Variants in PLXNA4 observed in about 807,000 individuals in gnomAD.
PLXNA4 encodes the protein plexin-A4.
A neutral mutation model predicts 191.8 loss-of-function variants in PLXNA4; 44 were observed. The ratio of observed to expected loss-of-function variants is 0.23; its 90% CI spans 0.18 to 0.29. The LOEUF (loss-of-function observed/expected upper bound fraction) is 0.29, where lower values mean the gene tolerates loss of function less well. Ranked by LOEUF, PLXNA4 falls within the 10% of genes least tolerant of loss-of-function variation. The probability of loss-of-function intolerance (pLI) is 1.00; values close to 1 mark genes in which losing one functional copy is unlikely to be tolerated. For missense variants in PLXNA4, 1,800 were observed against 2,488.8 expected (o/e 0.72, Z 5.89); for synonymous variants, 1,082 against 1,009.5 (o/e 1.07, Z -1.36).
chr7:132,378,114 A>G (rs1804738485), intron 3 of PLXNA4, among the ~76,000 whole-genome samples: 1 of 152,134 alleles, frequency 6.6e-6, no homozygotes, highest in Non-Finnish European at 1.5e-5. Context: ...CTATTCCCCA[A>G]TTATCTTGTT....
At chr7:132,336,479 A>G (rs905281344) in intron 3 of PLXNA4, among the ~76,000 whole-genome samples, 36 of 152,276 alleles carry the variant, frequency 2.4e-4, no homozygotes, top group African/African-American at 8.7e-4. Context: ...ACTTAGCCTG[A>G]TCTCAAAACC....
At chr7:132,523,632 T>C (rs1359413196) in intron 1 of PLXNA4, among the ~76,000 whole-genome samples, 4 of 152,186 alleles carry the variant, frequency 2.6e-5, no homozygotes, top group African/African-American at 9.7e-5. Flanking sequence ...GGTCTATGGC[T>C]AGCAAGCTCA....
chr7:132,618,671 G>A (rs935696454), intron 2 of PLXNA4, among the ~76,000 whole-genome samples: 2 of 152,188 alleles, frequency 1.3e-5, no homozygotes, highest in Non-Finnish European at 2.9e-5. Context: ...GAGGCAAGGA[G>A]CAGCCAGAAA....
intron 4 of PLXNA4, among the ~76,000 whole-genome samples, chr7:132,251,051 CTTTTT>C (rs34455636): frequency 1.5e-5 from 2 of 130,062 alleles, no homozygotes; most frequent in East Asian, 2.2e-4. Flanking sequence ...CTGTTCCAGC[CTTTTT>C]TTTTTTTTTT....
rs184854783 is a variant in PLXNA4, at chr7:132,457,557, G to T, written c.1371+31735C>A. Among the ~76,000 whole-genome samples the T allele has an allele frequency of 1.8e-4, 28 of 152,304 alleles. No individual in the cohort carries two copies. In the East Asian group the frequency reaches 4.6e-3, roughly 25 times the overall value. On this transcript the variant is annotated intron_variant, in intron 3 of 31. Coordinates refer to ENST00000321063, the MANE Select transcript of PLXNA4 (RefSeq NM_020911.2). Reference sequence around the variant, plus strand: ...TGGAGAGAAAATACCTCCCTGTGTGGTTGGCCAGATAATAGTCCTCAAAGA... The same window carrying T: ...TGGAGAGAAAATACCTCCCTGTGTGTTTGGCCAGATAATAGTCCTCAAAGA...
intron 3 of PLXNA4, among the ~76,000 whole-genome samples, chr7:132,360,275 C>T (rs187271869): frequency 5.9e-5 from 9 of 152,270 alleles, no homozygotes; most frequent in African/African-American, 1.4e-4. Flanking sequence ...TCCAGGTGGG[C>T]CTGTCCCTCA....
At chr7:132,387,699 G>A (rs1805212382) in intron 3 of PLXNA4, among the ~76,000 whole-genome samples, 1 of 152,188 alleles carries the variant, frequency 6.6e-6, no homozygotes, top group Admixed American at 6.5e-5. Flanking sequence ...GAAGCAGAGA[G>A]CCCAAGGTCA....
chr7:132,574,486 T>C (rs1308314135), intron 1 of PLXNA4, among the ~76,000 whole-genome samples: 3 of 152,218 alleles, frequency 2.0e-5, no homozygotes, highest in Non-Finnish European at 4.4e-5. Context: ...GTGGACCCCA[T>C]TGTCACACAT....
intron 2 of PLXNA4, among the ~76,000 whole-genome samples, chr7:132,634,234 G>A (rs1475332145): frequency 6.6e-6 from 1 of 152,150 alleles, no homozygotes; most frequent in East Asian, 1.9e-4. Context: ...TTCCCGGGTA[G>A]AGGATACTAA....
At chr7:132,207,143 A>T (rs1797650786) in intron 10 of PLXNA4, among the ~76,000 whole-genome samples, 1 of 152,154 alleles carries the variant, frequency 6.6e-6, no homozygotes, top group South Asian at 2.1e-4. Flanking sequence ...CTAATGCCAC[A>T]CAAGAAGCTG....
At chr7:132,214,223 G>T (rs1302718274) in intron 9 of PLXNA4, among the ~76,000 whole-genome samples, 1 of 152,156 alleles carries the variant, frequency 6.6e-6, no homozygotes, top group East Asian at 1.9e-4. Flanking sequence ...ACCCTGCCTG[G>T]GGGCTGGACT....
intron 11 of PLXNA4, among the ~76,000 whole-genome samples, chr7:132,203,040 G>T (rs1308822002): frequency 2.0e-5 from 3 of 152,168 alleles, no homozygotes; most frequent in African/African-American, 7.2e-5. Context: ...AAGCTCTGGG[G>T]TTCTCCGTTC....
In PLXNA4 at chr7:132,224,967, G is replaced by A. The variant is rs542631269; in HGVS notation, c.1982+1194C>T. Reference sequence around the variant, plus strand: ...AGGGTTTTTTGAGGTCAGGTCCCACGGTTTGCTCTGTGGAACTCTGGGGAT... The same window carrying A: ...AGGGTTTTTTGAGGTCAGGTCCCACAGTTTGCTCTGTGGAACTCTGGGGAT... On this transcript the variant is annotated intron_variant, in intron 8 of 31. Transcript: ENST00000321063. Among the ~76,000 whole-genome samples, 5 of 152,302 alleles carry A rather than the reference G, an allele frequency of 3.3e-5. No homozygotes were observed. In the East Asian group the frequency reaches 7.7e-4, roughly 24 times the overall value.
chr7:132,473,721 A>G (rs1355042024), intron 3 of PLXNA4, among the ~76,000 whole-genome samples: 1 of 152,170 alleles, frequency 6.6e-6, no homozygotes, highest in African/African-American at 2.4e-5. Context: ...TGTCAGTTTC[A>G]GTCATATTAG....
At chr7:132,451,379 C>T (rs1181566849) in intron 3 of PLXNA4, among the ~76,000 whole-genome samples, 4 of 152,156 alleles carry the variant, frequency 2.6e-5, no homozygotes, top group Admixed American at 1.3e-4. Context: ...CGGCTGCTGA[C>T]GTCACATCAG....
intron 23 of PLXNA4, 28 bp from the exon 24 acceptor site, chr7:132,164,316 G>A (rs772611031): frequency 1.4e-5 from 22 of 1,611,316 alleles, no homozygotes; most frequent in Non-Finnish European, 1.9e-5. Context: ...GTCATTAGGA[G>A]GAGCTCTTGG....
At chr7:132,296,702 T>C (rs79601349) in intron 4 of PLXNA4, among the ~76,000 whole-genome samples, 5,573 of 152,256 alleles carry the variant, frequency 0.037, 119 homozygotes, top group African/African-American at 0.049. Flanking sequence ...AGATGATTCA[T>C]GCCACCAAGG....
At chr7:132,551,694 T>C (rs1326961106) in intron 1 of PLXNA4, among the ~76,000 whole-genome samples, 1 of 152,160 alleles carries the variant, frequency 6.6e-6, no homozygotes, top group Non-Finnish European at 1.5e-5. Flanking sequence ...GAAAATGAAA[T>C]ATGATTCTAG....
At chr7:132,187,380 C>A (rs924696580) in intron 15 of PLXNA4, 91 bp downstream of exon 15, 1 of 1,523,550 alleles carries the variant, frequency 6.6e-7, no homozygotes, top group Non-Finnish European at 8.8e-7. Context: ...ACCCTCCCAA[C>A]TCTCTGCAAT....
Sources: allele counts gnomAD v4.1 joint callset (sites outside exome capture counted in the v4.1 genomes callset), GRCh38; gene constraint gnomAD v4.1.1; transcripts MANE v1.5; gene names NCBI Gene and HGNC (gene_info 2026-07-23, HGNC 2026-07-21).